The following SYNE1 variants were observed in gnomAD, a reference collection of about 807,000 sequenced individuals.
The protein encoded by SYNE1 is nesprin-1.
A neutral mutation model predicts 1,111.0 loss-of-function variants in SYNE1; 616 were observed. The observed-to-expected ratio is 0.55, with a 90% CI of 0.52 to 0.59. The LOEUF (loss-of-function observed/expected upper bound fraction) is 0.59. SYNE1 is among the 20% of genes least tolerant of loss of function. The pLI, the probability that SYNE1 is intolerant of heterozygous loss-of-function variation, is 0.00. For synonymous variants in SYNE1, 3,855 were observed against 3,825.8 expected (o/e 1.01, Z -0.28); for missense variants, 10,006 against 10,417.0 (o/e 0.96, Z 1.72).
intron 30 of SYNE1, 114 bp downstream of exon 30, chr6:152,444,297 C>G: frequency 8.3e-7 from 1 of 1,203,678 alleles, no homozygotes; most frequent in South Asian, 1.2e-5. Context: ...ACTCTTCCTT[C>G]CCATGCCCCC....
At chr6:152,585,208 T>A (rs971218331) in intron 3 of SYNE1, among the ~76,000 whole-genome samples, 9 of 145,924 alleles carry the variant, frequency 6.2e-5, no homozygotes, top group African/African-American at 2.5e-4. Flanking sequence ...GCCATGACTG[T>A]TAAGTTTCCT....
chr6:152,202,670 C>T (rs1187727763), intron 126 of SYNE1, among the ~76,000 whole-genome samples: 4 of 152,140 alleles, frequency 2.6e-5, no homozygotes, highest in Non-Finnish European at 5.9e-5. Flanking sequence ...GAATCCACAT[C>T]TATCTGCAGA....
At chr6:152,350,880 C>G in intron 70 of SYNE1, 110 bp from the exon 71 acceptor site, 5 of 1,349,598 alleles carry the variant, frequency 3.7e-6, no homozygotes, top group Non-Finnish European at 5.3e-6. Context: ...AAAGATTGTT[C>G]ATATTTATGA....
Position 152,234,784 on chromosome 6 carries a change from C to A in SYNE1, c.20413G>T (p.Ala6805Ser). 6.2e-7 allele frequency: 1 copy of A among 1,614,156 alleles called. No individual in the cohort carries two copies. Among genetic ancestry groups the A allele is most frequent in the Non-Finnish European group, 8.5e-7 (1 of 1,180,024 alleles). The change falls in exon 111 of 146, where the codon GCA becomes TCA. Residue 6805 changes from alanine (A) to serine (S), a missense_variant. This residue lies in a region of SYNE1 where 2,182 missense variants were observed against 2,287.8 expected (regional missense o/e 0.95). Coordinates refer to ENST00000367255, the MANE Select transcript of SYNE1 (RefSeq NM_182961.4). ...GATTGTAACCAGTGAATTAGATCTG[C>A]AGATTCACTTTGATATCTGTTAAGT... Reference protein sequence around the residue: ...KHWTRYQSESADLIHWLQSAK... With the variant: ...KHWTRYQSESSDLIHWLQSAK...
At chr6:152,599,705 C>T (rs1350379516) in intron 3 of SYNE1, among the ~76,000 whole-genome samples, 2 of 152,156 alleles carry the variant, frequency 1.3e-5, no homozygotes, top group Non-Finnish European at 2.9e-5. Flanking sequence ...AATCCATTGG[C>T]CAGATTCATT....
At chr6:152,302,103 T>A (rs2095202960) in intron 91 of SYNE1, 40 bp from the exon 92 acceptor site, 1 of 1,613,360 alleles carries the variant, frequency 6.2e-7, no homozygotes, top group Non-Finnish European at 8.5e-7. Context: ...CAGAGCAGCA[T>A]CAAAAGGAAA....
At chr6:152,267,996 C>T in intron 100 of SYNE1, 60 bp downstream of exon 100, 1 of 1,469,356 alleles carries the variant, frequency 6.8e-7, no homozygotes. Context: ...GAGATGTTTA[C>T]TTTTCTTCAA....
intron 2 of SYNE1, among the ~76,000 whole-genome samples, chr6:152,631,986 A>G (rs2099698658): frequency 6.6e-6 from 1 of 152,094 alleles, no homozygotes; most frequent in Admixed American, 6.5e-5. Context: ...CAGGATCCAC[A>G]TACCACTTGA....
intron 39 of SYNE1, among the ~76,000 whole-genome samples, chr6:152,420,300 T>C (rs115018284): frequency 0.012 from 1,856 of 152,230 alleles, 36 homozygotes; most frequent in African/African-American, 0.042. Flanking sequence ...TCTGATAACT[T>C]TGGAGACTAT....
intron 70 of SYNE1, among the ~76,000 whole-genome samples, chr6:152,351,748 A>C (rs1473831942): frequency 6.6e-6 from 1 of 152,242 alleles, no homozygotes. Context: ...TGGCTCACGC[A>C]TCAGAAAAGG....
At chr6:152,244,428 C>G in intron 106 of SYNE1, 109 bp downstream of exon 106, 6 of 1,556,250 alleles carry the variant, frequency 3.9e-6, no homozygotes, top group Non-Finnish European at 4.4e-6. Flanking sequence ...AGGTTAGGAC[C>G]TAAGTGGCGT....
chr6:152,143,895 A>C, intron 137 of SYNE1, 130 bp from the exon 138 acceptor site: 3 of 1,368,648 alleles, frequency 2.2e-6, no homozygotes, highest in South Asian at 2.4e-5. Context: ...GGGTAATTAC[A>C]AAGCAAATTT....
intron 3 of SYNE1, among the ~76,000 whole-genome samples, chr6:152,545,099 A>G (rs1269803086): frequency 2.0e-5 from 3 of 152,214 alleles, no homozygotes; most frequent in Non-Finnish European, 1.5e-5. Flanking sequence ...TGAAATTAGT[A>G]TATTTTAATA....
intron 128 of SYNE1, chr6:152,185,274 G>A (rs192156783): frequency 2.6e-5 from 4 of 152,324 alleles, no homozygotes; most frequent in African/African-American, 7.2e-5. Flanking sequence ...GTTTACTCAC[G>A]GCCTCTATTC....
chr6:152,207,949 G>C, intron 125 of SYNE1, 23 bp downstream of exon 125: 1 of 1,612,586 alleles, frequency 6.2e-7, no homozygotes, highest in Non-Finnish European at 8.5e-7. Context: ...AGAGGTGTGA[G>C]AACACTGTGT....
intron 14 of SYNE1, among the ~76,000 whole-genome samples, chr6:152,475,093 C>T (rs1024728652): frequency 6.6e-6 from 1 of 152,074 alleles, no homozygotes; most frequent in Non-Finnish European, 1.5e-5. Flanking sequence ...CTTCTTTTTA[C>T]AAAAGATACA....
chr6:152,145,651 T>A, intron 137 of SYNE1: 2 of 1,126,228 alleles, frequency 1.8e-6, no homozygotes, highest in Admixed American at 3.5e-5. Flanking sequence ...AAAAAGGAAG[T>A]CAGTTATTCT....
At chr6:152,206,614 C>T (rs1328448521) in intron 125 of SYNE1, among the ~76,000 whole-genome samples, 1 of 152,050 alleles carries the variant, frequency 6.6e-6, no homozygotes, top group Middle Eastern at 3.2e-3. Flanking sequence ...CGTGGAAATA[C>T]AGAGGGACAT....
Position 152,330,152 on chromosome 6 carries a change from G to A in SYNE1, c.14533C>T (p.His4845Tyr), listed in dbSNP as rs373200852. The part of the protein sequence containing the change: ...VTIHLEDLAP[H>Y]LDPLAYEKAR... Reference sequence around the variant, plus strand: ...TTCTCATAAGCCAAGGGGTCAAGGTGTGGGGCAAGATCTTCAAGATGTATG... The same window carrying A: ...TTCTCATAAGCCAAGGGGTCAAGGTATGGGGCAAGATCTTCAAGATGTATG... Residue 4845 changes from histidine to tyrosine, a missense_variant, in exon 78 of 146, where the codon CAC (histidine) becomes TAC (tyrosine). Around this residue, in one of 7 missense-constraint regions of SYNE1, gnomAD observed 4,955 missense variants for 5,017.2 expected, o/e 0.99. Transcript: ENST00000367255. 5 of 1,614,094 alleles carry A rather than the reference G, an allele frequency of 3.1e-6. No individual in the cohort carries two copies. In the African/African-American group the frequency reaches 5.3e-5, roughly 17 times the overall value.
Sources: gnomAD v4.1 joint callset for allele counts (sites outside exome capture counted in the v4.1 genomes callset) on GRCh38, gnomAD v4.1.1 for gene constraint, gnomAD v4.1.1 regional missense constraint, MANE v1.5 for transcripts, NCBI Gene and HGNC (gene_info 2026-07-23, HGNC 2026-07-21) for gene names.